GALNT11: variants seen among roughly 807,000 people sequenced by gnomAD.
GALNT11 encodes the protein UDP-GalNAc:polypeptide N-acetylgalactosaminyltransferase 11.
In GALNT11, 47 loss-of-function variants were observed where a neutral mutation model predicts 72.7. That is an observed-to-expected ratio of 0.65 (90% CI 0.51 to 0.82). The LOEUF is 0.82. GALNT11 is among the 40% of genes least tolerant of loss of function. GALNT11 has a pLI of 0.00. For missense variants in GALNT11, 677 were observed against 778.4 expected, an observed-to-expected ratio of 0.87 and a Z score of 1.55; for synonymous variants, 270 against 286.6, an observed-to-expected ratio of 0.94 and a Z score of 0.58.
chr7:152,042,379 T>C (rs980823649), intron 1 of GALNT11, among the ~76,000 whole-genome samples: 8 of 152,242 alleles, frequency 5.3e-5, no homozygotes, highest in Non-Finnish European at 1.2e-4. Flanking sequence ...TTCTTAATTA[T>C]GAAAACTGGA....
In GALNT11 at chr7:152,096,661, G is replaced by A. The variant is rs1374380690; in HGVS notation, c.295+2139G>A. Among the ~76,000 whole-genome samples the A allele has an allele frequency of 6.7e-5, 10 of 149,220 alleles. No homozygotes were observed. The Admixed American group carries it at 6.7e-4, about 10-fold the overall frequency. ...ACCTGGGAGGCGGAGGTTGCAGTGAGTCAAGATCGCGCCATTGTACTGTAG... is the reference window on the plus strand; with the variant it reads ...ACCTGGGAGGCGGAGGTTGCAGTGAATCAAGATCGCGCCATTGTACTGTAG... On this transcript the variant is annotated intron_variant, in intron 2 of 11. Coordinates refer to ENST00000430044, the MANE Select transcript of GALNT11 (RefSeq NM_022087.4).
At position 152,069,400 on chromosome 7, in the gene GALNT11, A is replaced by G. The variant is rs561864059; in HGVS notation, c.-38-24790A>G. Among the ~76,000 whole-genome samples the G allele has an allele frequency of 2.0e-5, 3 of 152,320 alleles. No individual in the cohort carries two copies. The East Asian group carries it at 5.8e-4, about 29-fold the overall frequency. On this transcript the variant is annotated intron_variant, in intron 1 of 11. Transcript: ENST00000430044. The stretch of plus-strand genomic sequence containing the variant: ...AAGAATGTATATCTACCATGATTGG[A>G]TGGAATTTTCTATAAACGTCATTTA...
chr7:152,119,459 C>T (rs1407764836), intron 10 of GALNT11: 1 of 152,050 alleles, frequency 6.6e-6, no homozygotes, highest in African/African-American at 2.4e-5. Context: ...AAAAAAGCCA[C>T]TTGGGCTTTT....
intron 1 of GALNT11, among the ~76,000 whole-genome samples, chr7:152,093,299 G>A (rs1353373298): frequency 6.6e-6 from 1 of 151,564 alleles, no homozygotes; most frequent in Non-Finnish European, 1.5e-5. Context: ...TTCTTGCCTT[G>A]TTTTATAGGT....
intron 2 of GALNT11, among the ~76,000 whole-genome samples, chr7:152,098,366 A>G (rs1286909413): frequency 6.6e-6 from 1 of 152,162 alleles, no homozygotes; most frequent in African/African-American, 2.4e-5. Context: ...CAGAGGCTAC[A>G]GTGAGCCGAG....
intron 1 of GALNT11, among the ~76,000 whole-genome samples, chr7:152,043,679 C>T (rs1037132644): frequency 1.3e-5 from 2 of 152,090 alleles, no homozygotes; most frequent in African/African-American, 2.4e-5. Flanking sequence ...ACTTTTCGCC[C>T]AGTGTCATCT....
chr7:152,064,719 G>T (rs981092722), intron 1 of GALNT11, among the ~76,000 whole-genome samples: 2 of 152,134 alleles, frequency 1.3e-5, no homozygotes, highest in Non-Finnish European at 2.9e-5. Context: ...ATGAAGCTTA[G>T]TTTGGCTGGA....
intron 10 of GALNT11, chr7:152,120,160 T>C (rs939129245): frequency 1.3e-5 from 2 of 152,406 alleles, no homozygotes; most frequent in African/African-American, 2.4e-5. Flanking sequence ...AGCTCCCTTA[T>C]TGGACACAGG....
At chr7:152,027,086 A>G (rs1334397090) in intron 1 of GALNT11, among the ~76,000 whole-genome samples, 2 of 152,050 alleles carry the variant, frequency 1.3e-5, no homozygotes, top group African/African-American at 2.4e-5. Context: ...CGTCTCTACT[A>G]AAAATACAAA....
chr7:152,033,881 C>G (rs1215933438), intron 1 of GALNT11, among the ~76,000 whole-genome samples: 3 of 152,200 alleles, frequency 2.0e-5, no homozygotes, highest in Non-Finnish European at 4.4e-5. Context: ...AACTCTCAGG[C>G]TGCAGCTAAA....
At chr7:152,108,418 C>A (rs1022913611) in intron 6 of GALNT11, 131 bp downstream of exon 6, 7 of 1,362,132 alleles carry the variant, frequency 5.1e-6, no homozygotes, top group Non-Finnish European at 5.9e-6. Context: ...GTTAAAAATT[C>A]TTGAGTACGT....
intron 2 of GALNT11, among the ~76,000 whole-genome samples, chr7:152,096,747 C>A (rs2086412307): frequency 6.6e-6 from 1 of 150,542 alleles, no homozygotes; most frequent in Non-Finnish European, 1.5e-5. Context: ...AAAAAGACAA[C>A]CCACAGAATG....
chr7:152,032,015 A>G (rs2082324589), intron 1 of GALNT11, among the ~76,000 whole-genome samples: 1 of 152,208 alleles, frequency 6.6e-6, no homozygotes, highest in African/African-American at 2.4e-5. Context: ...GGCTAAGATT[A>G]GGCCTAGATA....
At chr7:152,116,919 G>A (rs768436226) in intron 8 of GALNT11, 24 of 644,394 alleles carry the variant, frequency 3.7e-5, no homozygotes, top group African/African-American at 2.7e-4. Context: ...GCCCACACAC[G>A]CAGACCCTCC....
chr7:152,058,922 C>G (rs1474316236), intron 1 of GALNT11, among the ~76,000 whole-genome samples: 1 of 152,164 alleles, frequency 6.6e-6, no homozygotes, highest in East Asian at 1.9e-4. Context: ...AATTCTGGTT[C>G]TCTTGCTATT....
intron 1 of GALNT11, among the ~76,000 whole-genome samples, chr7:152,048,422 G>C (rs2083245701): frequency 6.6e-6 from 1 of 151,916 alleles, no homozygotes; most frequent in Non-Finnish European, 1.5e-5. Flanking sequence ...CTTAAATATT[G>C]ATATCTTCCT....
At chr7:152,049,832 C>G (rs1435252017) in intron 1 of GALNT11, among the ~76,000 whole-genome samples, 4 of 152,142 alleles carry the variant, frequency 2.6e-5, no homozygotes, top group African/African-American at 9.7e-5. Flanking sequence ...GGCACCCAAG[C>G]CTTCCCAGTC....
chr7:152,099,532 T>G (rs962542053), intron 2 of GALNT11, among the ~76,000 whole-genome samples: 1 of 110,520 alleles, frequency 9.0e-6, no homozygotes, highest in Non-Finnish European at 1.7e-5. Context: ...CCCGCCTAGT[T>G]TTTTTTTTTT....
chr7:152,100,505 G>C (rs1388185957), intron 2 of GALNT11, among the ~76,000 whole-genome samples: 2 of 151,750 alleles, frequency 1.3e-5, no homozygotes, highest in Admixed American at 6.6e-5. Flanking sequence ...GTTGGAGGTT[G>C]CAGTGAGCCA....
Sources: gnomAD v4.1 joint callset for allele counts (sites outside exome capture counted in the v4.1 genomes callset) on GRCh38, gnomAD v4.1.1 for gene constraint, MANE v1.5 for transcripts, NCBI Gene and HGNC (gene_info 2026-07-23, HGNC 2026-07-21) for gene names.